The following VPS13A variants were observed in gnomAD, a reference collection of about 807,000 sequenced individuals.
VPS13A encodes the protein intermembrane lipid transfer protein VPS13A.
Under a neutral mutation model 390.9 loss-of-function variants are expected in VPS13A, and 264 were observed. The observed-to-expected ratio is 0.68, with a 90% CI of 0.61 to 0.75. The LOEUF is 0.75. VPS13A is among the 30% of genes least tolerant of loss of function. The pLI is 0.00. For missense variants in VPS13A, 3,409 were observed against 3,733.9 expected, an observed-to-expected ratio of 0.91 and a Z score of 2.27; for synonymous variants, 1,231 against 1,227.1, an observed-to-expected ratio of 1.00 and a Z score of -0.07.
intron 22 of VPS13A, among the ~76,000 whole-genome samples, chr9:77,257,225 CTATT>C (rs1031893419): frequency 6.6e-6 from 1 of 151,852 alleles, no homozygotes; most frequent in Non-Finnish European, 1.5e-5. Context: ...TTATAACAGT[CTATT>C]TATTTATTAT....
intron 19 of VPS13A, among the ~76,000 whole-genome samples, chr9:77,239,039 T>C (rs1287947155): frequency 6.6e-6 from 1 of 152,158 alleles, no homozygotes; most frequent in Non-Finnish European, 1.5e-5. Flanking sequence ...GTTAATCCTT[T>C]ACTTCAAATT....
intron 1 of VPS13A, among the ~76,000 whole-genome samples, chr9:77,185,510 TTG>T (rs1365969809): frequency 1.3e-5 from 2 of 152,186 alleles, no homozygotes; most frequent in African/African-American, 4.8e-5. Context: ...TGTTGGAGAA[TTG>T]TTTAGGGATT....
chr9:77,226,744 T>C, intron 15 of VPS13A, 146 bp downstream of exon 15: 3 of 695,512 alleles, frequency 4.3e-6, no homozygotes, highest in Non-Finnish European at 6.1e-6. Flanking sequence ...TATTAAAACA[T>C]TGAAAATGTG....
chr9:77,348,331 T>C (rs754243578), intron 52 of VPS13A, among the ~76,000 whole-genome samples: 1 of 152,122 alleles, frequency 6.6e-6, no homozygotes, highest in Admixed American at 6.5e-5. Context: ...AGGACATGGA[T>C]GGAGCTAGAA....
chr9:77,195,534 C>G (rs369518234), intron 1 of VPS13A, among the ~76,000 whole-genome samples: 1 of 152,046 alleles, frequency 6.6e-6, no homozygotes, highest in African/African-American at 2.4e-5. Flanking sequence ...GTCAGCAGTT[C>G]GAGACCAGCT....
intron 1 of VPS13A, among the ~76,000 whole-genome samples, chr9:77,184,849 A>G (rs1273061934): frequency 6.6e-6 from 1 of 152,088 alleles, no homozygotes; most frequent in African/African-American, 2.4e-5. Context: ...CTGTGCAGAT[A>G]CCAAAGTCCA....
chr9:77,310,312 A>G (rs1005903317), intron 35 of VPS13A, among the ~76,000 whole-genome samples: 3 of 152,168 alleles, frequency 2.0e-5, no homozygotes, highest in Admixed American at 6.5e-5. Context: ...TAAAAAGTAA[A>G]TGAGAATGCT....
chr9:77,297,087 T>C (rs889859619), intron 33 of VPS13A, among the ~76,000 whole-genome samples: 3 of 152,106 alleles, frequency 2.0e-5, no homozygotes, highest in Admixed American at 6.6e-5. Flanking sequence ...GTTTTATTTT[T>C]TTTTCTTTTT....
chr9:77,359,116 G>A (rs1196460654), intron 57 of VPS13A, among the ~76,000 whole-genome samples: 1 of 152,174 alleles, frequency 6.6e-6, no homozygotes, highest in Non-Finnish European at 1.5e-5. Flanking sequence ...ACTGCTAATT[G>A]TAGAATTAGT....
chr9:77,370,565 A>G lies in VPS13A; in HGVS notation c.8894A>G (p.Lys2965Arg). The G allele has an allele frequency of 6.2e-7, 1 of 1,614,132 alleles. No homozygotes were observed. Reference protein sequence around the residue: ...GFREGITRGGKGLVSGFVSGI... With the variant: ...GFREGITRGGRGLVSGFVSGI... ...AGAGAAGGCATCACTCGTGGAGGAA[A>G]AGGCTTAGTTTCTGTAAGAAATTTC... The change falls in exon 65 of 72, where the codon AAA becomes AGA. Residue 2965 changes from lysine (K) to arginine (R), a missense_variant. Coordinates refer to ENST00000360280, the MANE Select transcript of VPS13A (RefSeq NM_033305.3).
intron 31 of VPS13A, among the ~76,000 whole-genome samples, chr9:77,292,293 A>G (rs778618277): frequency 9.2e-5 from 14 of 151,876 alleles, no homozygotes; most frequent in Admixed American, 2.0e-4. Context: ...ATTCTTACCT[A>G]TATTGTATAG....
chr9:77,344,093 A>AT, intron 50 of VPS13A, 60 bp from the exon 51 acceptor site: 1 of 1,398,104 alleles, frequency 7.2e-7, no homozygotes, highest in Non-Finnish European at 9.9e-7. Flanking sequence ...TATTAAGATG[A>AT]TTTATATATT....
At position 77,351,736 on chromosome 9, in the gene VPS13A, G is replaced by A. The variant is rs561033542; in HGVS notation, c.7419+290G>A. 2.6e-5 allele frequency among the ~76,000 whole-genome samples: 4 copies of A among 152,286 alleles called. No individual in the cohort carries two copies. The South Asian group carries it at 6.2e-4, about 24-fold the overall frequency. On this transcript the variant is annotated intron_variant, in intron 53 of 71. Coordinates refer to ENST00000360280, the MANE Select transcript of VPS13A (RefSeq NM_033305.3). ...ATACAAAAATTAGCCTCGCATGGTG[G>A]CGGGTGCCTGTAGTCCTAGCTACTA...
rs528454563 is a variant in VPS13A at position 77,259,708 on chromosome 9, T to C, written c.2289-378T>C. Among the ~76,000 whole-genome samples the C allele has an allele frequency of 6.6e-5, 10 of 152,314 alleles. No homozygotes were observed. In the East Asian group the frequency reaches 1.9e-3, roughly 29 times the overall value. ...AACCTTAGTTTTCTCATAGGAAGCA[T>C]GTACATATAGGAACTTAAATAGAGA... On this transcript the variant is annotated intron_variant, in intron 22 of 71. Transcript: ENST00000360280.
In VPS13A at chr9:77,261,927, T is replaced by C. The variant is rs187760121; in HGVS notation, c.2427+1703T>C. On this transcript the variant is annotated intron_variant, in intron 23 of 71. Coordinates refer to ENST00000360280, the MANE Select transcript of VPS13A (RefSeq NM_033305.3). ...AGTTTGCTAACAGTGAATGAATATC[T>C]TTCTCTGCTTTCATTACTGAGTATT... Among the ~76,000 whole-genome samples, 363 of 152,312 alleles carry C rather than the reference T, an allele frequency of 2.4e-3. 1 individual carries two copies. The highest frequency in any genetic ancestry group is 8.2e-3 in the African/African-American group (341 of 41,560).
intron 68 of VPS13A, among the ~76,000 whole-genome samples, chr9:77,394,279 C>G (rs1306303035): frequency 1.3e-5 from 2 of 151,474 alleles, no homozygotes; most frequent in Non-Finnish European, 2.9e-5. Flanking sequence ...GTTGCCCAAG[C>G]TAGTCTTGAA....
At chr9:77,392,975 TC>T (rs1347263457) in intron 68 of VPS13A, among the ~76,000 whole-genome samples, 1 of 152,148 alleles carries the variant, frequency 6.6e-6, no homozygotes, top group Non-Finnish European at 1.5e-5. Flanking sequence ...GATTGACTCT[TC>T]CTTTCACGAA....
chr9:77,231,796 T>G (rs1241894981), intron 17 of VPS13A, among the ~76,000 whole-genome samples: 1 of 152,190 alleles, frequency 6.6e-6, no homozygotes, highest in Non-Finnish European at 1.5e-5. Flanking sequence ...TGTTCATGCT[T>G]TTGATGTCTT....
In VPS13A at chr9:77,250,190, A is replaced by G. The variant is rs145496474; in HGVS notation, c.2131A>G (p.Ile711Val). 6.2e-7 allele frequency: 1 copy of G among 1,613,772 alleles called. No homozygotes were observed. The highest frequency in any genetic ancestry group is 8.5e-7 in the Non-Finnish European group (1 of 1,179,914). ...GGATAGAGCTTATGATTCATTTGAT[A>G]TTCAACTTACAAGTGTACAGCTGCT... ...IMDRAYDSFDIQLTSVQLLYS... is the reference protein window; with the variant it reads ...IMDRAYDSFDVQLTSVQLLYS... The change falls in exon 21 of 72, where the codon ATT becomes GTT. Residue 711 changes from isoleucine to valine, a missense_variant. Around this residue, in one of 5 missense-constraint regions of VPS13A, gnomAD observed 2,717 missense variants for 2,917.4 expected, o/e 0.93. Transcript: ENST00000360280.
Sources: gnomAD v4.1 joint callset for allele counts (sites outside exome capture counted in the v4.1 genomes callset) on GRCh38, gnomAD v4.1.1 for gene constraint, gnomAD v4.1.1 regional missense constraint, MANE v1.5 for transcripts, NCBI Gene and HGNC (gene_info 2026-07-23, HGNC 2026-07-21) for gene names.